Variants in RECQL5 observed in about 807,000 individuals in gnomAD.
RECQL5 encodes RecQ like helicase 5.
A neutral mutation model predicts 103.4 loss-of-function variants in RECQL5; 88 were observed. The ratio of observed to expected loss-of-function variants is 0.85; its 90% CI spans 0.72 to 1.02. The LOEUF is 1.02. Ranked by LOEUF, RECQL5 falls within the 50% of genes least tolerant of loss-of-function variation. The probability of loss-of-function intolerance (pLI) is 0.00; values close to 1 mark genes in which losing one functional copy is unlikely to be tolerated. For missense variants in RECQL5, 1,232 were observed against 1,284.3 expected (o/e 0.96, Z 0.62); for synonymous variants, 552 against 507.9 (o/e 1.09, Z -1.17).
Position 75,629,435 on chromosome 17 carries a change from G to A in RECQL5, c.1988C>T (p.Ser663Phe). The change falls in exon 16 of 20, where the codon TCC becomes TTC. Residue 663 changes from serine (S) to phenylalanine (F), a missense_variant. Physicochemically the swap from Ser to Phe is radical, Grantham distance 155. Coordinates refer to ENST00000317905, the MANE Select transcript of RECQL5 (RefSeq NM_004259.7). ...KRVGAGFPKG[S>F]CPFQTATELM... is the part of the protein sequence containing the mutation. ...TTCCGTGGCCGTCTGGAACGGGCAG[G>A]AGCCTTTGGGGAAACCAGCTCCCAC... is the stretch of plus-strand genomic sequence containing the variant. 1 of 1,506,316 alleles carries A rather than the reference G, an allele frequency of 6.6e-7. No individual in the cohort carries two copies. The highest frequency in any genetic ancestry group is 2.3e-5 in the Admixed American group (1 of 43,736). The allele number at this position is 1,506,316 out of a possible 1,614,324, so 93.3% of individuals were successfully genotyped here.
At chr17:75,649,163 AAAC>A in intron 8 of RECQL5, 1 of 152,350 alleles carries the variant, frequency 6.6e-6, no homozygotes, top group African/African-American at 2.4e-5. Flanking sequence ...AGATCCCAGG[AAAC>A]AACAGGGCCC....
Position 75,630,190 on chromosome 17 carries a change from C to T in RECQL5, c.1806G>A (p.Leu602=), listed in dbSNP as rs1373181842. Residue 602 remains leucine (L), a synonymous_variant, in exon 14 of 20, where the codon CTG becomes CTA. Transcript: ENST00000317905. ...KVANLYKASV[L]KKVADIHRAS... ...CCGCCTGCACCAGGCCCACCTTCTT[C>T]AGCACGCTGGCCTTGTAGAGGTTGG... is the stretch of plus-strand genomic sequence containing the variant. 2.6e-6 allele frequency: 4 copies of T among 1,550,058 alleles called. No individual in the cohort carries two copies. The highest frequency in any genetic ancestry group is 3.3e-4 in the Middle Eastern group (2 of 5,992).
At chr17:75,650,523 G>T in intron 8 of RECQL5, 1 of 1,457,790 alleles carries the variant, frequency 6.9e-7, no homozygotes. Flanking sequence ...TCACCTCTAA[G>T]TCTGAAGCAA....
At chr17:75,645,400 G>GA (rs2059477451) in intron 8 of RECQL5, among the ~76,000 whole-genome samples, 1 of 152,172 alleles carries the variant, frequency 6.6e-6, no homozygotes, top group African/African-American at 2.4e-5. Context: ...ACTAGCTGAT[G>GA]ACCTCGGCTA....
intron 6 of RECQL5, among the ~76,000 whole-genome samples, chr17:75,659,939 C>CA (rs1439299201): frequency 6.6e-6 from 1 of 152,162 alleles, no homozygotes; most frequent in Non-Finnish European, 1.5e-5. Flanking sequence ...CTCTTCTAGA[C>CA]TATTAGTAAG....
Position 75,662,470 on chromosome 17 carries a change from A to G in RECQL5, c.771+9T>C, listed in dbSNP as rs2059712485. 2 of 1,610,166 alleles carry G rather than the reference A, an allele frequency of 1.2e-6. No individual in the cohort carries two copies. Among genetic ancestry groups the G allele is most frequent in the East Asian group, 4.5e-5 (2 of 44,816 alleles). On this transcript the variant is annotated intron_variant, in intron 4 of 19. Transcript: ENST00000317905. Reference sequence around the variant, plus strand: ...TAACAGCTGCTTGGCCTCCACCTCAATGCCTCACCCCTTTATCAGCCTCCT... The same window carrying G: ...TAACAGCTGCTTGGCCTCCACCTCAGTGCCTCACCCCTTTATCAGCCTCCT...
At chr17:75,634,243 GAGC>G in intron 8 of RECQL5, 2 of 985,556 alleles carry the variant, frequency 2.0e-6, no homozygotes, top group Non-Finnish European at 2.4e-6. Flanking sequence ...GACAGGGAGG[GAGC>G]AGCAAGGGTC....
At chr17:75,643,654 G>A (rs548372326) in intron 8 of RECQL5, among the ~76,000 whole-genome samples, 1 of 152,374 alleles carries the variant, frequency 6.6e-6, no homozygotes, top group Admixed American at 6.5e-5. Context: ...TTGCCCCACT[G>A]TGGGAAAGAA....
Position 75,665,114 on chromosome 17 carries a change from C to T in RECQL5, c.189G>A (p.Gln63=). 3 of 1,612,170 alleles carry T rather than the reference C, an allele frequency of 1.9e-6. No homozygotes were observed. The South Asian group carries it at 3.3e-5, about 18-fold the overall frequency. ...PTGAGKSLCY[Q]LPALLAKGIT... ...TGCCTTTGGCCAACAGAGCAGGGAG[C>T]TGATAGCATAGGGATTTTCCTGCCC... Residue 63 remains glutamine, a synonymous_variant, in exon 3 of 20, where the codon CAG becomes CAA. Coordinates refer to ENST00000317905, the MANE Select transcript of RECQL5 (RefSeq NM_004259.7).
chr17:75,647,200 C>T (rs2148306690), intron 8 of RECQL5, among the ~76,000 whole-genome samples: 1 of 152,330 alleles, frequency 6.6e-6, no homozygotes, highest in South Asian at 2.1e-4. Flanking sequence ...TTGCTGCTGG[C>T]TGCAGGCATC....
chr17:75,640,055 C>T lies in RECQL5; in HGVS notation c.1230-8387G>A. On this transcript the variant is annotated intron_variant, in intron 8 of 19. Coordinates refer to ENST00000317905, the MANE Select transcript of RECQL5 (RefSeq NM_004259.7). The surrounding 1 kb of genome is among the most constrained non-coding windows in gnomAD (Gnocchi z 4.6). ...GTCACCAGGGGTGCAATGTGTGAGA[C>T]CTGACAAACTTGTTCTGCGGGCTGC... 8.4e-7 allele frequency: 1 copy of T among 1,189,142 alleles called. No homozygotes were observed. The highest frequency in any genetic ancestry group is 1.1e-6 in the Non-Finnish European group (1 of 879,190). 73.7% of individuals were successfully genotyped at this position (1,189,142 alleles called of 1,614,324 possible).
In RECQL5 at chr17:75,651,391, C is replaced by T. The variant is rs551227259; in HGVS notation, c.1150-126G>A. 2.1e-4 allele frequency: 215 copies of T among 1,043,016 alleles called. 2 individuals carry two copies. The South Asian group carries it at 2.3e-3, about 11-fold the overall frequency. 64.6% of individuals were successfully genotyped at this position (1,043,016 alleles called of 1,614,324 possible). On this transcript the variant is annotated intron_variant, in intron 7 of 19. Coordinates refer to ENST00000317905, the MANE Select transcript of RECQL5 (RefSeq NM_004259.7). ...AATCCCAGCACTTTGGGAGGCTGAG[C>T]CAGGAGGATCATTTGAGGTCAGGAG...
At chr17:75,647,308 T>C (rs976201841) in intron 8 of RECQL5, 214 of 1,411,260 alleles carry the variant, frequency 1.5e-4, no homozygotes, top group Non-Finnish European at 2.0e-4. Context: ...GGGCAGAGCA[T>C]AGCACCTGGG....
rs1598975818 is a variant in RECQL5, at chr17:75,628,457, A to G, written c.2581-15T>C. The G allele has an allele frequency of 1.2e-6, 2 of 1,611,360 alleles. No homozygotes were observed. Among genetic ancestry groups the G allele is most frequent in the Non-Finnish European group, 1.7e-6 (2 of 1,178,782 alleles). Reference sequence around the variant, plus strand: ...TCTGGGTTCTCCTGAGAAGGGCCACAGCAGAGGGTCACTCCTGAGCTCCCT... The same window carrying G: ...TCTGGGTTCTCCTGAGAAGGGCCACGGCAGAGGGTCACTCCTGAGCTCCCT... On this transcript the variant is annotated splice_polypyrimidine_tract_variant and intron_variant, in intron 17 of 19. Coordinates refer to ENST00000317905, the MANE Select transcript of RECQL5 (RefSeq NM_004259.7).
chr17:75,632,204 GT>G (rs1162804986), intron 8 of RECQL5, among the ~76,000 whole-genome samples: 2 of 152,170 alleles, frequency 1.3e-5, no homozygotes, highest in Non-Finnish European at 2.9e-5. Flanking sequence ...TATTTCTACT[GT>G]ACTTTTTCTA....
intron 14 of RECQL5, 145 bp from the exon 15 acceptor site, chr17:75,629,987 C>T (rs1014219043): frequency 2.5e-6 from 3 of 1,187,030 alleles, no homozygotes; most frequent in East Asian, 2.6e-5. Flanking sequence ...AGTTTTAGGC[C>T]TCCCATCCTC....
chr17:75,628,075 G>A (rs561917182), intron 18 of RECQL5, 143 bp downstream of exon 18: 68 of 724,088 alleles, frequency 9.4e-5, no homozygotes, highest in African/African-American at 8.0e-4. Flanking sequence ...ATGACCCAAC[G>A]GCAAGGCAGG....
rs113699671 is a variant in RECQL5 at position 75,657,300 on chromosome 17, A to G, written c.1149+998T>C. On this transcript the variant is annotated intron_variant, in intron 7 of 19. Transcript: ENST00000317905. The stretch of plus-strand genomic sequence containing the variant: ...CTTGAGAGGCAGAGGCAGGAGGATC[A>G]CTCGAGCCCAGGAGTTCGAGGGTAT... Among the ~76,000 whole-genome samples the G allele has an allele frequency of 8.9e-3, 1,356 of 152,214 alleles. 22 individuals are homozygous for G. The highest frequency in any genetic ancestry group is 0.03 in the African/African-American group (1,259 of 41,526).
intron 14 of RECQL5, 122 bp from the exon 15 acceptor site, chr17:75,629,964 T>C: frequency 7.4e-7 from 1 of 1,360,120 alleles, no homozygotes; most frequent in Non-Finnish European, 9.8e-7. Flanking sequence ...CACAGGCAAC[T>C]GACCACTGGG....
Sources: gnomAD v4.1 joint callset for allele counts (sites outside exome capture counted in the v4.1 genomes callset) on GRCh38, gnomAD v4.1.1 for gene constraint, Gnocchi (gnomAD v3.1) non-coding constraint, MANE v1.5 for transcripts, NCBI Gene and HGNC (gene_info 2026-07-23, HGNC 2026-07-21) for gene names.